Variants in LEKR1 observed in about 807,000 individuals in gnomAD.
LEKR1 encodes protein LEKR1.
A neutral mutation model predicts 72.4 loss-of-function variants in LEKR1; 59 were observed. The observed-to-expected ratio is 0.82, with a 90% confidence interval of 0.66 to 1.01. LEKR1 has a LOEUF of 1.01. LEKR1 is among the 50% of genes least tolerant of loss of function. LEKR1 has a pLI of 0.00. For missense variants in LEKR1, 728 were observed against 759.2 expected (o/e 0.96, Z 0.48); for synonymous variants, 257 against 263.2 (o/e 0.98, Z 0.23).
chr3:157,044,395 A>T (rs965457549), intron 12 of LEKR1, among the ~76,000 whole-genome samples: 40 of 152,222 alleles, frequency 2.6e-4, no homozygotes, highest in African/African-American at 9.2e-4. Flanking sequence ...AACATAGGTA[A>T]CACCTCAACT....
chr3:156,849,639 C>G (rs1478482498), intron 2 of LEKR1, among the ~76,000 whole-genome samples: 6 of 152,030 alleles, frequency 3.9e-5, no homozygotes, highest in South Asian at 2.1e-4. Context: ...ACAAACCTGA[C>G]AAAAACAAGA....
intron 3 of LEKR1, among the ~76,000 whole-genome samples, chr3:156,854,699 C>G (rs1715829483): frequency 6.6e-6 from 1 of 151,752 alleles, no homozygotes; most frequent in East Asian, 1.9e-4. Context: ...CACCACCATG[C>G]CTGGCTAATT....
At chr3:156,842,690 A>G (rs766173629) in intron 2 of LEKR1, among the ~76,000 whole-genome samples, 3 of 152,242 alleles carry the variant, frequency 2.0e-5, no homozygotes, top group Non-Finnish European at 2.9e-5. Context: ...GAGAAGAACT[A>G]TGATGATAAA....
At chr3:156,948,977 T>C (rs1166757187) in intron 6 of LEKR1, among the ~76,000 whole-genome samples, 5 of 151,718 alleles carry the variant, frequency 3.3e-5, no homozygotes, top group Non-Finnish European at 7.4e-5. Context: ...GAAGTGTCTG[T>C]TCATGATCTT....
At chr3:156,945,608 A>C (rs1371734081) in intron 6 of LEKR1, among the ~76,000 whole-genome samples, 3 of 151,752 alleles carry the variant, frequency 2.0e-5, no homozygotes, top group Non-Finnish European at 2.9e-5. Flanking sequence ...TATTTAATCC[A>C]TTGTGATTTG....
At chr3:156,911,445 C>G (rs1443987009) in intron 3 of LEKR1, among the ~76,000 whole-genome samples, 1 of 152,134 alleles carries the variant, frequency 6.6e-6, no homozygotes, top group Admixed American at 6.5e-5. Context: ...TTCTCCCATT[C>G]TCTATGCTGT....
At chr3:156,960,527 C>A (rs1017917978) in intron 6 of LEKR1, among the ~76,000 whole-genome samples, 4 of 152,168 alleles carry the variant, frequency 2.6e-5, no homozygotes, top group Non-Finnish European at 5.9e-5. Flanking sequence ...TTCAGGTGAT[C>A]TGCCCTCCTA....
At chr3:156,898,677 A>C (rs1721454217) in intron 3 of LEKR1, among the ~76,000 whole-genome samples, 1 of 152,188 alleles carries the variant, frequency 6.6e-6, no homozygotes, top group South Asian at 2.1e-4. Context: ...AAAAAAACCC[A>C]AAACTATTAT....
chr3:156,918,084 A>G (rs1454894275), intron 3 of LEKR1, among the ~76,000 whole-genome samples: 1 of 152,202 alleles, frequency 6.6e-6, no homozygotes, highest in Non-Finnish European at 1.5e-5. Flanking sequence ...TTCCAGAGAC[A>G]ACAAAAAGTT....
At chr3:157,040,675 C>T (rs1435225127) in intron 12 of LEKR1, among the ~76,000 whole-genome samples, 1 of 152,226 alleles carries the variant, frequency 6.6e-6, no homozygotes, top group Non-Finnish European at 1.5e-5. Flanking sequence ...GGACAGCCAC[C>T]CACTCACCTT....
intron 4 of LEKR1, chr3:156,924,727 C>T: frequency 2.5e-6 from 1 of 405,576 alleles, no homozygotes. Flanking sequence ...ATTGAATTGC[C>T]TCAGCATCTT....
rs150712146 is a variant in LEKR1 at position 156,917,883 on chromosome 3, G to A, written c.264-2692G>A. ...ATGACAGCTGTGTAGTCAAACCAGA[G>A]CATAAACCAGACTATAGCAGGGGAA... On this transcript the variant is annotated intron_variant, in intron 3 of 12. Coordinates refer to ENST00000356539, the MANE Select transcript of LEKR1 (RefSeq NM_001004316.3). 1.8e-3 allele frequency among the ~76,000 whole-genome samples: 275 copies of A among 152,166 alleles called. 2 individuals are homozygous for A. Among genetic ancestry groups the A allele is most frequent in the African/African-American group, 6.5e-3 (269 of 41,516 alleles).
intron 10 of LEKR1, among the ~76,000 whole-genome samples, chr3:157,019,966 T>A (rs1485146248): frequency 6.6e-6 from 1 of 152,212 alleles, no homozygotes; most frequent in Non-Finnish European, 1.5e-5. Context: ...AACTCATCAC[T>A]CTGCTTCTTT....
intron 4 of LEKR1, among the ~76,000 whole-genome samples, chr3:156,923,730 A>C (rs972270684): frequency 3.3e-4 from 37 of 113,362 alleles, no homozygotes; most frequent in African/African-American, 9.6e-4. Flanking sequence ...ATGTATATTT[A>C]ATTTTTTTTT....
At chr3:156,928,498 C>T (rs1349503225) in intron 5 of LEKR1, among the ~76,000 whole-genome samples, 1 of 151,868 alleles carries the variant, frequency 6.6e-6, no homozygotes, top group Non-Finnish European at 1.5e-5. Flanking sequence ...AAATGCATGG[C>T]AGTGAGTGAA....
intron 9 of LEKR1, among the ~76,000 whole-genome samples, chr3:157,009,132 T>C (rs969769043): frequency 1.3e-5 from 2 of 152,172 alleles, no homozygotes; most frequent in Admixed American, 6.5e-5. Flanking sequence ...TGCTATTCTA[T>C]AGAAGTATTA....
intron 1 of LEKR1, chr3:156,826,948 C>A: frequency 6.4e-6 from 1 of 155,558 alleles, no homozygotes. Flanking sequence ...GACGTGTCTG[C>A]ATTTTAAAAA....
chr3:157,040,431 C>A (rs1735265186), intron 12 of LEKR1, among the ~76,000 whole-genome samples: 1 of 152,148 alleles, frequency 6.6e-6, no homozygotes, highest in East Asian at 1.9e-4. Context: ...AAACAACCAG[C>A]CTGACATCCA....
intron 6 of LEKR1, among the ~76,000 whole-genome samples, chr3:156,954,511 A>G (rs1026474111): frequency 7.2e-5 from 11 of 152,054 alleles, no homozygotes; most frequent in Non-Finnish European, 1.6e-4. Flanking sequence ...TAAGCCTTTA[A>G]TCCATCTTGA....
Sources: allele counts gnomAD v4.1 joint callset (sites outside exome capture counted in the v4.1 genomes callset), GRCh38; gene constraint gnomAD v4.1.1; transcripts MANE v1.5; gene names NCBI Gene and HGNC (gene_info 2026-07-23, HGNC 2026-07-21).